Variants in ENTPD1 observed in about 807,000 individuals in gnomAD.
ENTPD1 encodes ectonucleoside triphosphate diphosphohydrolase 1, also known as ATP diphosphohydrolase.
ENTPD1 carries 33 observed loss-of-function variants against 57.0 expected under a neutral mutation model. The observed-to-expected ratio is 0.58, with a 90% CI of 0.44 to 0.77. The LOEUF (loss-of-function observed/expected upper bound fraction) is 0.77. Among genes scored for constraint, ENTPD1 ranks in the 30% least tolerant of loss-of-function variants. The pLI is 0.00. For missense variants in ENTPD1, 501 were observed against 603.4 expected (o/e 0.83, Z 1.78); for synonymous variants, 202 against 218.8 (o/e 0.92, Z 0.68).
Position 95,839,744 on chromosome 10 carries a change from G to C in ENTPD1, c.198G>C (p.Lys66Asn), listed in dbSNP as rs1433738575. The change falls in exon 3 of 10, where the codon AAG becomes AAC. Residue 66 changes from lysine (K) to asparagine (N), a missense_variant. By Grantham distance (94) the Lys-to-Asn change is moderately conservative. Transcript: ENST00000371205. ...CTCACACAAGTTTATACATCTATAA[G>C]TGGCCAGCAGAAAAGGAGAATGACA... The part of the protein sequence containing the change: ...GSSHTSLYIY[K>N]WPAEKENDTG... 6.2e-6 allele frequency: 10 copies of C among 1,614,080 alleles called. No homozygotes were observed. The highest frequency in any genetic ancestry group is 1.3e-5 in the African/African-American group (1 of 75,010).
chr10:95,723,635 G>A (rs187029865), intron 1 of ENTPD1, among the ~76,000 whole-genome samples: 43 of 152,270 alleles, frequency 2.8e-4, no homozygotes, highest in African/African-American at 8.9e-4. Context: ...CAAGAAAGTC[G>A]TGGTTGGGAC....
At position 95,712,983 on chromosome 10, in the gene ENTPD1, G is replaced by A. The variant is rs575105640; in HGVS notation, c.37+990G>A. Among the ~76,000 whole-genome samples the A allele has an allele frequency of 1.8e-4, 27 of 150,256 alleles. No individual in the cohort carries two copies. In the South Asian group the frequency reaches 5.7e-3, roughly 32 times the overall value. On this transcript the variant is annotated intron_variant, in intron 1 of 9. Coordinates refer to the ENTPD1 transcript ENST00000453258. ...CGGGAGGCGGAGCTTGCAGCGAGCAGAGATTGCGCCGCTGCACTCCAGACT... is the reference window on the plus strand; with the variant it reads ...CGGGAGGCGGAGCTTGCAGCGAGCAAAGATTGCGCCGCTGCACTCCAGACT...
chr10:95,848,708 C>T (rs543137930), intron 7 of ENTPD1, among the ~76,000 whole-genome samples: 1 of 152,226 alleles, frequency 6.6e-6, no homozygotes, highest in Admixed American at 6.5e-5. Flanking sequence ...CTTGCACACA[C>T]ATTTTGCAGA....
intron 1 of ENTPD1, among the ~76,000 whole-genome samples, chr10:95,780,123 T>C (rs1228639529): frequency 1.3e-5 from 2 of 152,186 alleles, no homozygotes; most frequent in East Asian, 1.9e-4. Context: ...CTGAGGTGTA[T>C]TGCATACTTC....
At chr10:95,701,096 A>T in the ENTPD1 span, among the ~76,000 whole-genome samples, 2 of 152,224 alleles carry the variant, frequency 1.3e-5, no homozygotes, top group Non-Finnish European at 2.9e-5. Context: ...GCCCAGCCAG[A>T]AATAAAATCT....
At chr10:95,848,738 T>G (rs1033636973) in intron 7 of ENTPD1, among the ~76,000 whole-genome samples, 1 of 152,240 alleles carries the variant, frequency 6.6e-6, no homozygotes, top group Non-Finnish European at 1.5e-5. Flanking sequence ...TGACATCTTT[T>G]CAGATCCTGC....
intron 3 of ENTPD1, among the ~76,000 whole-genome samples, chr10:95,840,236 G>A (rs2140802507): frequency 6.6e-6 from 1 of 152,304 alleles, no homozygotes; most frequent in Middle Eastern, 3.4e-3. Flanking sequence ...ACCAAGTTCT[G>A]CCCGACTTCA....
At chr10:95,729,720 G>A (rs997125800) in intron 1 of ENTPD1, among the ~76,000 whole-genome samples, 2 of 152,130 alleles carry the variant, frequency 1.3e-5, no homozygotes, top group African/African-American at 4.8e-5. Context: ...TCTTGGGTAG[G>A]TAAGAATTGA....
upstream of ENTPD1, among the ~76,000 whole-genome samples, chr10:95,752,619 C>T (rs181464398): frequency 3.4e-4 from 52 of 152,190 alleles, no homozygotes; most frequent in African/African-American, 1.1e-3. Flanking sequence ...ATGCTGAGAT[C>T]GCGACATTGC....
intron 1 of ENTPD1, among the ~76,000 whole-genome samples, chr10:95,790,648 T>C (rs11188485): frequency 0.076 from 11,582 of 152,202 alleles, 914 homozygotes; most frequent in African/African-American, 0.18. Context: ...CCATACCTTT[T>C]TGCTGTTTTT....
chr10:95,827,215 A>T (rs2098380294), intron 2 of ENTPD1, among the ~76,000 whole-genome samples: 1 of 152,116 alleles, frequency 6.6e-6, no homozygotes, highest in Non-Finnish European at 1.5e-5. Context: ...GCACTTTGGG[A>T]GGCTGAGGTG....
intron 2 of ENTPD1, among the ~76,000 whole-genome samples, chr10:95,837,639 G>A (rs1340272831): frequency 3.3e-5 from 5 of 152,150 alleles, no homozygotes; most frequent in Non-Finnish European, 7.4e-5. Flanking sequence ...CAGGTCAAGG[G>A]TCCTTGCAAG....
intron 1 of ENTPD1, among the ~76,000 whole-genome samples, chr10:95,740,567 CCT>C (rs1208710364): frequency 1.3e-5 from 2 of 152,170 alleles, no homozygotes; most frequent in East Asian, 1.9e-4. Context: ...ATTGACTTCT[CCT>C]CTCTAGCTAT....
Position 95,864,776 on chromosome 10 carries a change from T to C in ENTPD1, c.1241T>C (p.Phe414Ser), listed in dbSNP as rs2098471217. ...VKEKYLSEYC[F>S]SGTYILSLLL... The stretch of plus-strand genomic sequence containing the variant: ...GAGAAGTACCTGAGTGAATACTGCT[T>C]TTCTGGTACCTACATTCTCTCCCTC... Residue 414 changes from phenylalanine to serine, a missense_variant, in exon 9 of 10, where the codon TTT becomes TCT. Coordinates refer to ENST00000371205, the MANE Select transcript of ENTPD1 (RefSeq NM_001776.6). The C allele has an allele frequency of 6.2e-7, 1 of 1,613,992 alleles. No homozygotes were observed. The highest frequency in any genetic ancestry group is 8.5e-7 in the Non-Finnish European group (1 of 1,180,014).
intron 2 of ENTPD1, among the ~76,000 whole-genome samples, chr10:95,831,029 G>A (rs2098395045): frequency 6.6e-6 from 1 of 152,150 alleles, no homozygotes; most frequent in African/African-American, 2.4e-5. Flanking sequence ...CAGAATTAAG[G>A]CATTGTCTGT....
At chr10:95,716,403 T>C (rs2097971553) in intron 1 of ENTPD1, among the ~76,000 whole-genome samples, 1 of 152,182 alleles carries the variant, frequency 6.6e-6, no homozygotes, top group Admixed American at 6.5e-5. Flanking sequence ...GTATGGTTTG[T>C]CGCCACCAAA....
chr10:95,731,427 C>G (rs1023861706), intron 1 of ENTPD1, among the ~76,000 whole-genome samples: 2 of 152,158 alleles, frequency 1.3e-5, no homozygotes, highest in African/African-American at 4.8e-5. Context: ...ACCCATGTAC[C>G]CTCAGCCCTC....
chr10:95,752,209 G>A (rs1288732386), upstream of ENTPD1, among the ~76,000 whole-genome samples: 1 of 152,184 alleles, frequency 6.6e-6, no homozygotes, highest in East Asian at 1.9e-4. Context: ...GGTGAGAAAC[G>A]GGAATGCAAT....
At chr10:95,776,659 C>T (rs544807140) in intron 1 of ENTPD1, among the ~76,000 whole-genome samples, 86 of 152,182 alleles carry the variant, frequency 5.7e-4, no homozygotes, top group African/African-American at 1.9e-3. Context: ...CTCTGTGTTT[C>T]CGGAATTTGA....
Sources: allele counts gnomAD v4.1 joint callset (sites outside exome capture counted in the v4.1 genomes callset), GRCh38; gene constraint gnomAD v4.1.1; transcripts MANE v1.5; gene names NCBI Gene and HGNC (gene_info 2026-07-23, HGNC 2026-07-21).